SND1: variants seen among roughly 807,000 people sequenced by gnomAD.
The protein encoded by SND1 is staphylococcal nuclease domain-containing protein 1.
In SND1, 38 loss-of-function variants were observed where a neutral mutation model predicts 121.7. The ratio of observed to expected loss-of-function variants is 0.31; its 90% CI spans 0.24 to 0.41. SND1 has a LOEUF of 0.41. Among genes scored for constraint, SND1 ranks in the 10% least tolerant of loss-of-function variants. The pLI is 1.00. For synonymous variants in SND1, 401 were observed against 447.4 expected (o/e 0.90, Z 1.31); for missense variants, 868 against 1,184.6 (o/e 0.73, Z 3.92).
At chr7:127,849,971 G>A (rs1799135322) in intron 12 of SND1, among the ~76,000 whole-genome samples, 1 of 152,264 alleles carries the variant, frequency 6.6e-6, no homozygotes, top group East Asian at 1.9e-4. Context: ...TATCCTTTCT[G>A]TCTGTTTAGA....
chr7:128,051,469 G>C (rs1337142775), intron 16 of SND1, among the ~76,000 whole-genome samples: 1 of 152,050 alleles, frequency 6.6e-6, no homozygotes, highest in Non-Finnish European at 1.5e-5. Context: ...TACCCCACAG[G>C]GTTTTATTTA....
intron 15 of SND1, among the ~76,000 whole-genome samples, chr7:127,985,402 C>T (rs910567533): frequency 3.3e-5 from 5 of 152,168 alleles, no homozygotes; most frequent in South Asian, 2.1e-4. Context: ...GCCCTACAGG[C>T]GCACACCACC....
At chr7:128,032,529 C>A (rs1470537291) in intron 16 of SND1, among the ~76,000 whole-genome samples, 1 of 151,694 alleles carries the variant, frequency 6.6e-6, no homozygotes. Flanking sequence ...GAGCCCGCGC[C>A]GGCCCCCGCC....
At chr7:127,697,591 A>G (rs1304701332) in intron 3 of SND1, among the ~76,000 whole-genome samples, 2 of 152,170 alleles carry the variant, frequency 1.3e-5, no homozygotes, top group East Asian at 1.9e-4. Context: ...TGCAAAATTT[A>G]CTAATGTGTC....
At chr7:127,947,845 A>G (rs573001278) in intron 15 of SND1, among the ~76,000 whole-genome samples, 53 of 152,216 alleles carry the variant, frequency 3.5e-4, no homozygotes, top group Admixed American at 7.2e-4. Flanking sequence ...TTTCCCACCC[A>G]TCAGTGAATA....
chr7:127,833,530 A>C (rs1798803853), intron 11 of SND1, among the ~76,000 whole-genome samples: 1 of 151,976 alleles, frequency 6.6e-6, no homozygotes, highest in South Asian at 2.1e-4. Context: ...CTGCCAAAAT[A>C]CTGGGATTAC....
intron 10 of SND1, among the ~76,000 whole-genome samples, chr7:127,798,760 C>T (rs77628611): frequency 0.017 from 2,596 of 152,178 alleles, 92 homozygotes; most frequent in African/African-American, 0.059. Flanking sequence ...TAAAAATTCA[C>T]ATGGTCAGAT....
intron 12 of SND1, among the ~76,000 whole-genome samples, chr7:127,876,043 C>T (rs1433102743): frequency 3.3e-5 from 5 of 152,074 alleles, no homozygotes; most frequent in African/African-American, 1.2e-4. Context: ...AAATGTACAG[C>T]GTTTAGAATA....
chr7:127,717,976 C>T (rs957222083), intron 9 of SND1, among the ~76,000 whole-genome samples: 6 of 152,160 alleles, frequency 3.9e-5, no homozygotes, highest in South Asian at 2.1e-4. Flanking sequence ...GTTCCCCTAA[C>T]GGAACTCTGG....
At chr7:127,797,095 G>T (rs1274919537) in intron 10 of SND1, among the ~76,000 whole-genome samples, 1 of 152,018 alleles carries the variant, frequency 6.6e-6, no homozygotes, top group East Asian at 1.9e-4. Flanking sequence ...GTTTCACCAT[G>T]CTGGTCAGGC....
At chr7:127,870,186 G>T (rs183572662) in intron 12 of SND1, among the ~76,000 whole-genome samples, 1 of 152,252 alleles carries the variant, frequency 6.6e-6, no homozygotes, top group African/African-American at 2.4e-5. Flanking sequence ...TTGGTGAGAG[G>T]ACTGTAGTAG....
intron 2 of SND1, among the ~76,000 whole-genome samples, chr7:127,688,289 C>T (rs1347365326): frequency 6.6e-6 from 1 of 152,084 alleles, no homozygotes; most frequent in African/African-American, 2.4e-5. Context: ...GCCTTTGACC[C>T]CTTAAGTTTC....
intron 12 of SND1, among the ~76,000 whole-genome samples, chr7:127,878,693 A>C (rs1799734669): frequency 6.6e-6 from 1 of 152,108 alleles, no homozygotes; most frequent in Admixed American, 6.5e-5. Flanking sequence ...GGACTTGTTA[A>C]ACAGAGAATG....
intron 10 of SND1, among the ~76,000 whole-genome samples, chr7:127,750,033 A>ATT (rs1797057807): frequency 6.6e-6 from 1 of 152,296 alleles, no homozygotes; most frequent in Middle Eastern, 3.4e-3. Context: ...CCAGGAGGTG[A>ATT]AGGCTGCAGT....
At chr7:127,848,579 A>G (rs1799110383) in intron 12 of SND1, among the ~76,000 whole-genome samples, 1 of 152,220 alleles carries the variant, frequency 6.6e-6, no homozygotes, top group Non-Finnish European at 1.5e-5. Context: ...AATCTTATCT[A>G]AATTATGTTT....
chr7:127,803,339 C>T (rs1195266760), intron 10 of SND1, among the ~76,000 whole-genome samples: 1 of 152,184 alleles, frequency 6.6e-6, no homozygotes, highest in Non-Finnish European at 1.5e-5. Flanking sequence ...TTCCATTTCA[C>T]TTATCCCTAC....
chr7:128,000,446 T>C (rs1337170523), intron 16 of SND1, among the ~76,000 whole-genome samples: 1 of 151,414 alleles, frequency 6.6e-6, no homozygotes, highest in African/African-American at 2.4e-5. Context: ...TGGCTCACTG[T>C]AGCCTCAACC....
chr7:127,760,481 T>G (rs146490196), intron 10 of SND1, among the ~76,000 whole-genome samples: 75 of 152,340 alleles, frequency 4.9e-4, no homozygotes, highest in African/African-American at 1.6e-3. Flanking sequence ...AAGAGGAATC[T>G]AATCACCTGC....
intron 1 of SND1, among the ~76,000 whole-genome samples, chr7:127,681,016 C>T (rs539899292): frequency 7.2e-5 from 11 of 152,168 alleles, no homozygotes; most frequent in Admixed American, 2.6e-4. Context: ...CCTGACTTCC[C>T]GCAACATATA....
Sources: gnomAD v4.1 joint callset for allele counts (sites outside exome capture counted in the v4.1 genomes callset) on GRCh38, gnomAD v4.1.1 for gene constraint, MANE v1.5 for transcripts, NCBI Gene and HGNC (gene_info 2026-07-23, HGNC 2026-07-21) for gene names.